The following TRPA1 variants were observed in gnomAD, a reference collection of about 807,000 sequenced individuals.
TRPA1 encodes the protein ankyrin-like with transmembrane domains 1.
Under a neutral mutation model 131.3 loss-of-function variants are expected in TRPA1, and 129 were observed. The observed-to-expected ratio is 0.98, with a 90% CI of 0.85 to 1.14. TRPA1 has a LOEUF of 1.14. TRPA1 is among the 50% of genes most tolerant of loss of function. The probability of loss-of-function intolerance (pLI) is 0.00; values close to 1 mark genes in which losing one functional copy is unlikely to be tolerated. For missense variants in TRPA1, 1,304 were observed against 1,354.2 expected (o/e 0.96, Z 0.58); for synonymous variants, 441 against 451.7 (o/e 0.98, Z 0.30).
At chr8:72,057,654 T>C in intron 9 of TRPA1, 63 bp downstream of exon 9, 1 of 1,214,290 alleles carries the variant, frequency 8.2e-7, no homozygotes, top group Non-Finnish European at 1.2e-6. Context: ...TGGCACACAG[T>C]GAATGTTCAT....
rs539685263 is a variant in TRPA1, at chr8:72,042,094, C to T, written c.2062-2297G>A. On this transcript the variant is annotated intron_variant, in intron 17 of 26. Transcript: ENST00000262209. Reference sequence around the variant, plus strand: ...TTCTTCAAGTCAAAGGAAGCAATGACCAAAGTGAAAAGGCAACCTATGGAA... The same window carrying T: ...TTCTTCAAGTCAAAGGAAGCAATGATCAAAGTGAAAAGGCAACCTATGGAA... Among the ~76,000 whole-genome samples the T allele has an allele frequency of 1.4e-4, 21 of 151,758 alleles. No homozygotes were observed. In the South Asian group the frequency reaches 1.7e-3, roughly 12 times the overall value.
intron 13 of TRPA1, 200 bp from the exon 14 acceptor site, chr8:72,052,965 CTGTGTGTG>C (rs57129422): frequency 1.8e-4 from 59 of 322,702 alleles, no homozygotes; most frequent in African/African-American, 9.7e-4. Context: ...GGAAGTGGAT[CTGTGTGTG>C]TGTGTGTGTG....
chr8:72,075,944 G>T (rs192226105), upstream of TRPA1, among the ~76,000 whole-genome samples: 20 of 151,888 alleles, frequency 1.3e-4, 1 homozygote, highest in East Asian at 3.1e-3. Flanking sequence ...GAGAGGAAGA[G>T]GGAATGACTG....
intron 10 of TRPA1, chr8:72,056,361 T>C (rs1805667697): frequency 5.9e-6 from 1 of 168,452 alleles, no homozygotes; most frequent in Non-Finnish European, 1.3e-5. Flanking sequence ...ATTTTTTAAA[T>C]ATTCAAACAC....
intron 24 of TRPA1, among the ~76,000 whole-genome samples, chr8:72,026,420 G>A (rs185564668): frequency 2.1e-4 from 32 of 152,322 alleles, no homozygotes; most frequent in Admixed American, 2.0e-3. Flanking sequence ...AGAAGAAAAG[G>A]GTAGTTCATA....
At chr8:72,058,175 C>T (rs998483352) in intron 8 of TRPA1, among the ~76,000 whole-genome samples, 1 of 152,104 alleles carries the variant, frequency 6.6e-6, no homozygotes, top group Non-Finnish European at 1.5e-5. Context: ...AATTTTAAAA[C>T]TCTCCCAAAT....
chr8:72,042,919 A>G (rs1365204994), intron 17 of TRPA1, among the ~76,000 whole-genome samples: 1 of 151,876 alleles, frequency 6.6e-6, no homozygotes, highest in Non-Finnish European at 1.5e-5. Context: ...AAGATGATGG[A>G]AGTTACTGTT....
chr8:72,066,259 T>C (rs188896609), intron 3 of TRPA1, among the ~76,000 whole-genome samples: 2 of 152,336 alleles, frequency 1.3e-5, no homozygotes, highest in Admixed American at 6.5e-5. Context: ...TGCCATCTGA[T>C]TACTGCCCAA....
At chr8:72,041,078 C>G (rs1157095911) in intron 17 of TRPA1, 1 of 151,924 alleles carries the variant, frequency 6.6e-6, no homozygotes, top group African/African-American at 2.4e-5. Flanking sequence ...ATATTTACAT[C>G]AGACAAAATA....
intron 3 of TRPA1, among the ~76,000 whole-genome samples, chr8:72,066,105 G>A (rs938084417): frequency 2.0e-5 from 3 of 152,242 alleles, no homozygotes; most frequent in African/African-American, 7.2e-5. Flanking sequence ...TCAGAGTTTT[G>A]TGTGGTGTAA....
At chr8:72,059,066 G>A (rs1316506864) in intron 8 of TRPA1, among the ~76,000 whole-genome samples, 4 of 152,278 alleles carry the variant, frequency 2.6e-5, no homozygotes, top group East Asian at 1.9e-4. Context: ...AAGGGGCACC[G>A]CCCAAGCTCA....
intron 17 of TRPA1, among the ~76,000 whole-genome samples, chr8:72,043,815 C>T (rs1255884666): frequency 6.6e-6 from 1 of 151,864 alleles, no homozygotes; most frequent in African/African-American, 2.4e-5. Flanking sequence ...TAATTTTCAT[C>T]AGCACTCTAT....
chr8:72,028,954 C>T (rs999377347), intron 24 of TRPA1, among the ~76,000 whole-genome samples: 3 of 152,142 alleles, frequency 2.0e-5, no homozygotes, highest in African/African-American at 4.8e-5. Context: ...TTTCTGAATG[C>T]GTATAGTCAA....
At chr8:72,079,627 C>T (rs1400572101), upstream of TRPA1, among the ~76,000 whole-genome samples, 1 of 151,920 alleles carries the variant, frequency 6.6e-6, no homozygotes, top group East Asian at 1.9e-4. Context: ...AATCTCTTGT[C>T]AGATGGGTAG....
intron 26 of TRPA1, 71 bp downstream of exon 26, chr8:72,023,740 TATA>T (rs1342643065): frequency 1.1e-6 from 1 of 910,252 alleles, no homozygotes; most frequent in African/African-American, 1.7e-5. Flanking sequence ...CAATATAAAA[TATA>T]ATCTTACATT....
In TRPA1 at chr8:72,033,785, G is replaced by A; in HGVS notation, c.2727C>T (p.Phe909=). 1 of 1,614,068 alleles carries A rather than the reference G, an allele frequency of 6.2e-7. No homozygotes were observed. Among genetic ancestry groups the A allele is most frequent in the Non-Finnish European group, 8.5e-7 (1 of 1,179,986 alleles). Residue 909 remains phenylalanine (F), a synonymous_variant, in exon 23 of 27, where the codon TTC becomes TTT. Coordinates refer to ENST00000262209, the MANE Select transcript of TRPA1 (RefSeq NM_007332.3). ...AATTGATATCTCCTAGCATCATGCT[G>A]AAGGTCTGGATTATAGAAAGCAATG... ...SSPLLSIIQT[F]SMMLGDINYR... is the part of the protein sequence containing the mutation.
rs118109618 is a variant in TRPA1, at chr8:72,057,345, G to A, written c.1094-328C>T. On this transcript the variant is annotated intron_variant, in intron 9 of 26. Coordinates refer to ENST00000262209, the MANE Select transcript of TRPA1 (RefSeq NM_007332.3). ...AGAAGATAGCAGAGAAGGACACCTC[G>A]CTCCTTTGTTATCAGAGGCCCAGGT... Among the ~76,000 whole-genome samples the A allele has an allele frequency of 3.6e-3, 549 of 152,182 alleles. 1 individual carries two copies. Among genetic ancestry groups the A allele is most frequent in the Non-Finnish European group, 6.4e-3 (432 of 68,012 alleles).
At chr8:72,053,648 G>A (rs1482601343) in intron 13 of TRPA1, 105 bp downstream of exon 13, 2 of 828,172 alleles carry the variant, frequency 2.4e-6, no homozygotes, top group African/African-American at 3.4e-5. Context: ...AAAAGGCTGG[G>A]AATAGAGCAA....
chr8:72,075,658 G>A (rs905964196), upstream of TRPA1: 11 of 547,722 alleles, frequency 2.0e-5, no homozygotes, highest in Middle Eastern at 1.0e-3. Flanking sequence ...TAGAAACGCG[G>A]AGCTCCTTCG....
Sources: allele counts gnomAD v4.1 joint callset (sites outside exome capture counted in the v4.1 genomes callset), GRCh38; gene constraint gnomAD v4.1.1; transcripts MANE v1.5; gene names NCBI Gene and HGNC (gene_info 2026-07-23, HGNC 2026-07-21).